The following SMURF1 variants were observed in gnomAD, a reference collection of about 807,000 sequenced individuals.
The protein encoded by SMURF1 is E3 ubiquitin-protein ligase SMURF1.
SMURF1 carries 44 observed loss-of-function variants against 98.0 expected under a neutral mutation model. That is an observed-to-expected ratio of 0.45 (90% CI 0.35 to 0.58). The LOEUF is 0.58. SMURF1 is among the 20% of genes least tolerant of loss of function. The pLI is 0.00. For missense variants in SMURF1, 687 were observed against 938.4 expected (o/e 0.73, Z 3.50); for synonymous variants, 396 against 374.9 (o/e 1.06, Z -0.65).
At chr7:99,132,645 A>G (rs1283601050) in intron 1 of SMURF1, among the ~76,000 whole-genome samples, 1 of 151,972 alleles carries the variant, frequency 6.6e-6, no homozygotes, top group African/African-American at 2.4e-5. Context: ...AATGACAGGA[A>G]GAAGCCATTG....
At chr7:99,069,826 A>C (rs1291956247) in intron 1 of SMURF1, among the ~76,000 whole-genome samples, 2 of 152,252 alleles carry the variant, frequency 1.3e-5, no homozygotes, top group East Asian at 3.8e-4. Flanking sequence ...CTTCTTTCCA[A>C]TCTTGCTCAG....
At chr7:99,077,312 CT>C (rs914687646) in intron 1 of SMURF1, among the ~76,000 whole-genome samples, 9 of 149,624 alleles carry the variant, frequency 6.0e-5, no homozygotes, top group East Asian at 1.9e-4. Flanking sequence ...TAATCCACTT[CT>C]TTTTTTTTAT....
intron 1 of SMURF1, among the ~76,000 whole-genome samples, chr7:99,100,108 T>TAAAAAAAAAAAAAA (rs10559622): frequency 7.1e-6 from 1 of 141,684 alleles, no homozygotes; most frequent in African/African-American, 2.6e-5. Flanking sequence ...TGGGAAAAGT[T>TAAAAAAAAAAAAAA]AAAAAAAAAA....
chr7:99,065,967 A>T (rs1796180266), intron 1 of SMURF1, among the ~76,000 whole-genome samples: 1 of 150,968 alleles, frequency 6.6e-6, no homozygotes, highest in African/African-American at 2.4e-5. Flanking sequence ...AATCGCTTGA[A>T]CCCAGGAGGC....
chr7:99,094,219 C>T (rs80337211), intron 1 of SMURF1, among the ~76,000 whole-genome samples: 9,117 of 152,142 alleles, frequency 0.06, 915 homozygotes, highest in African/African-American at 0.21. Flanking sequence ...ACAAGAACAA[C>T]GAATAGCTTT....
chr7:99,135,127 T>A (rs951851232), intron 1 of SMURF1, among the ~76,000 whole-genome samples: 13 of 152,202 alleles, frequency 8.5e-5, no homozygotes, highest in African/African-American at 3.1e-4. Flanking sequence ...GGCACAATCA[T>A]TTTGATTTTT....
intron 1 of SMURF1, among the ~76,000 whole-genome samples, chr7:99,071,392 A>T (rs1236602765): frequency 6.6e-6 from 1 of 152,148 alleles, no homozygotes; most frequent in African/African-American, 2.4e-5. Flanking sequence ...TATTTGAACA[A>T]AGCTCTCATG....
At chr7:99,034,685 AGAGGCTCCCAG>A (rs1795061059) in intron 16 of SMURF1, among the ~76,000 whole-genome samples, 3 of 152,298 alleles carry the variant, frequency 2.0e-5, no homozygotes, top group Admixed American at 6.5e-5. Context: ...TCAGGCAGAC[AGAGGCTCCCAG>A]ATACGAGCGG....
At chr7:99,031,918 G>A (rs1275472386) in intron 17 of SMURF1, among the ~76,000 whole-genome samples, 3 of 152,198 alleles carry the variant, frequency 2.0e-5, no homozygotes, top group African/African-American at 7.2e-5. Context: ...CCAGGACAAA[G>A]TGTACGCAAG....
chr7:99,128,201 G>A (rs1423751055), intron 1 of SMURF1, among the ~76,000 whole-genome samples: 1 of 152,180 alleles, frequency 6.6e-6, no homozygotes, highest in Non-Finnish European at 1.5e-5. Context: ...TCACATGCCA[G>A]ATGTGCCAGG....
intron 1 of SMURF1, among the ~76,000 whole-genome samples, chr7:99,065,556 T>C (rs1489976525): frequency 6.6e-6 from 1 of 152,200 alleles, no homozygotes; most frequent in African/African-American, 2.4e-5. Context: ...AAATCACCCA[T>C]CTATTTGGGC....
At chr7:99,031,171 C>T (rs747499574) in intron 17 of SMURF1, among the ~76,000 whole-genome samples, 6 of 152,200 alleles carry the variant, frequency 3.9e-5, no homozygotes, top group Non-Finnish European at 7.3e-5. Context: ...TGTCAGGCAA[C>T]GTCACCACTA....
intron 1 of SMURF1, among the ~76,000 whole-genome samples, chr7:99,072,728 A>G (rs976904798): frequency 2.6e-5 from 4 of 152,178 alleles, no homozygotes; most frequent in Non-Finnish European, 5.9e-5. Flanking sequence ...TGGCTATGAA[A>G]ACCCCAGGAA....
At chr7:99,061,958 C>A in intron 1 of SMURF1, 121 bp from the exon 2 acceptor site, 1 of 669,510 alleles carries the variant, frequency 1.5e-6, no homozygotes, top group Non-Finnish European at 2.5e-6. Context: ...ATTTGACTTT[C>A]AAATCTAGTA....
chr7:99,077,394 G>A (rs1375004740), intron 1 of SMURF1, among the ~76,000 whole-genome samples: 3 of 149,992 alleles, frequency 2.0e-5, no homozygotes, highest in Non-Finnish European at 3.0e-5. Context: ...GTACAGTGGC[G>A]CAATCTCAGC....
At chr7:99,036,643 G>A (rs185712408) in intron 15 of SMURF1, among the ~76,000 whole-genome samples, 15 of 152,248 alleles carry the variant, frequency 9.9e-5, no homozygotes, top group Admixed American at 3.3e-4. Flanking sequence ...ATGAATCACC[G>A]TGTTCAAGTG....
intron 1 of SMURF1, among the ~76,000 whole-genome samples, chr7:99,139,658 T>TC (rs907253253): frequency 6.6e-6 from 1 of 152,198 alleles, no homozygotes; most frequent in African/African-American, 2.4e-5. Context: ...GCCAGTGAAC[T>TC]CCAATGACTA....
intron 1 of SMURF1, among the ~76,000 whole-genome samples, chr7:99,128,310 G>A (rs979074424): frequency 6.6e-6 from 1 of 152,154 alleles, no homozygotes; most frequent in Admixed American, 6.5e-5. Flanking sequence ...GGCTGATGAG[G>A]TTAAGCCATG....
intron 6 of SMURF1, 113 bp downstream of exon 6, chr7:99,054,677 A>T: frequency 1.2e-6 from 1 of 834,038 alleles, no homozygotes; most frequent in Non-Finnish European, 2.0e-6. Context: ...AACATCCTTT[A>T]TGCATCTCAA....
Sources: allele counts gnomAD v4.1 joint callset (sites outside exome capture counted in the v4.1 genomes callset), GRCh38; gene constraint gnomAD v4.1.1; transcripts MANE v1.5; gene names NCBI Gene and HGNC (gene_info 2026-07-23, HGNC 2026-07-21).